Variants in TENM2 observed in about 807,000 individuals in gnomAD.
TENM2 encodes teneurin-2.
TENM2 carries 52 observed loss-of-function variants against 245.2 expected under a neutral mutation model. The ratio of observed to expected loss-of-function variants is 0.21; its 90% CI spans 0.17 to 0.27. The LOEUF is 0.27. Among genes scored for constraint, TENM2 ranks in the 10% least tolerant of loss-of-function variants. The pLI is 1.00. For synonymous variants in TENM2, 1,363 were observed against 1,438.9 expected (o/e 0.95, Z 1.19); for missense variants, 3,046 against 3,666.8 (o/e 0.83, Z 4.37).
intron 2 of TENM2, among the ~76,000 whole-genome samples, chr5:167,455,659 T>C (rs529655983): frequency 6.6e-6 from 1 of 152,326 alleles, no homozygotes; most frequent in Non-Finnish European, 1.5e-5. Flanking sequence ...TCTTTGATCA[T>C]TCAAGTTCAT....
chr5:167,321,782 C>CTTTTTTTTTTTTTTTTTTTTTTT lies in TENM2; in HGVS notation c.226+36721_226+36722insTTTTTTTTTTTTTTTTTTTTTTT, dbSNP rs1191717159. Among the ~76,000 whole-genome samples the CTTTTTTTTTTTTTTTTTTTTTTT allele has an allele frequency of 6.7e-5, 4 of 59,738 alleles. 2 individuals are homozygous for CTTTTTTTTTTTTTTTTTTTTTTT. Among genetic ancestry groups the CTTTTTTTTTTTTTTTTTTTTTTT allele is most frequent in the Non-Finnish European group, 6.2e-5 (2 of 32,430 alleles). The allele number at this position is 59,738 out of a possible 152,430, so 39.2% of individuals were successfully genotyped here. On this transcript the variant is annotated intron_variant, in intron 1 of 28. Coordinates refer to ENST00000518659, the Ensembl canonical transcript of TENM2. The stretch of plus-strand genomic sequence containing the variant: ...TGAATCTGTTGTCTTGCTGCCTTGG[C>CTTTTTTTTTTTTTTTTTTTTTTT]TTATTTTTTTTTTTTTTTTGGGGGG...
intron 25 of TENM2, among the ~76,000 whole-genome samples, chr5:168,228,516 A>T (rs989194027): frequency 6.6e-6 from 1 of 152,236 alleles, no homozygotes; most frequent in Non-Finnish European, 1.5e-5. Context: ...GGCCAGTTCA[A>T]CCAATGAATT....
chr5:167,160,055 G>A, the TENM2 span, among the ~76,000 whole-genome samples: 1 of 152,222 alleles, frequency 6.6e-6, no homozygotes, highest in Non-Finnish European at 1.5e-5. Flanking sequence ...AATGGGAGCA[G>A]GGAGTTCTAT....
intron 13 of TENM2, chr5:168,165,054 T>C (rs1758094878): frequency 6.6e-6 from 1 of 152,220 alleles, no homozygotes; most frequent in African/African-American, 2.4e-5. Flanking sequence ...TAATTTATGA[T>C]TGCCATTGTG....
intron 2 of TENM2, among the ~76,000 whole-genome samples, chr5:167,394,041 A>G (rs1242074283): frequency 2.0e-5 from 3 of 152,180 alleles, no homozygotes; most frequent in African/African-American, 7.2e-5. Flanking sequence ...CTTAACTCAT[A>G]TATGGTATGC....
chr5:167,502,563 CTTATTT>C (rs1769279177), intron 2 of TENM2, among the ~76,000 whole-genome samples: 1 of 152,142 alleles, frequency 6.6e-6, no homozygotes, highest in Non-Finnish European at 1.5e-5. Flanking sequence ...CTCCTTCTAA[CTTATTT>C]TTATATTTCA....
chr5:167,028,781 C>G, the TENM2 span, among the ~76,000 whole-genome samples: 1 of 151,942 alleles, frequency 6.6e-6, no homozygotes, highest in East Asian at 1.9e-4. Flanking sequence ...ACTAAAGACA[C>G]TAAATTGGTT....
chr5:168,098,309 G>T (rs1274964093), intron 9 of TENM2, among the ~76,000 whole-genome samples, 182 bp downstream of exon 11: 1 of 152,062 alleles, frequency 6.6e-6, no homozygotes, highest in Non-Finnish European at 1.5e-5. Context: ...ATGACCATTG[G>T]CCAACGTACC....
At chr5:167,708,298 C>G (rs868065095) in intron 2 of TENM2, among the ~76,000 whole-genome samples, 14 of 151,914 alleles carry the variant, frequency 9.2e-5, no homozygotes, top group South Asian at 2.1e-4. Context: ...CTTTTAGATA[C>G]AAATATACTG....
intron 1 of TENM2, among the ~76,000 whole-genome samples, chr5:167,348,422 C>T (rs980035628): frequency 6.6e-6 from 1 of 152,098 alleles, no homozygotes; most frequent in African/African-American, 2.4e-5. Flanking sequence ...GGGCCATTGA[C>T]GAGCCGGCAA....
intron 2 of TENM2, among the ~76,000 whole-genome samples, chr5:167,418,825 A>T (rs1368474115): frequency 1.3e-5 from 2 of 152,136 alleles, no homozygotes; most frequent in Admixed American, 1.3e-4. Context: ...GGTAAAAGCA[A>T]TTAGTGATGT....
intron 21 of TENM2, 52 bp downstream of exon 23, chr5:168,215,324 G>A: frequency 3.3e-6 from 5 of 1,507,582 alleles, no homozygotes; most frequent in Non-Finnish European, 4.6e-6. Context: ...TTTGCCACCA[G>A]CTTGGCTTTC....
the TENM2 span, among the ~76,000 whole-genome samples, chr5:166,987,085 A>G: frequency 6.6e-6 from 1 of 152,144 alleles, no homozygotes; most frequent in Non-Finnish European, 1.5e-5. Context: ...GCTATTCCCT[A>G]AGGCCACTCT....
chr5:168,091,079 G>A (rs1469951720), intron 8 of TENM2, among the ~76,000 whole-genome samples: 1 of 152,118 alleles, frequency 6.6e-6, no homozygotes, highest in Non-Finnish European at 1.5e-5. Flanking sequence ...TTTCCTCATA[G>A]TAAAATAGGA....
At chr5:167,270,256 T>A in the TENM2 span, among the ~76,000 whole-genome samples, 1 of 152,192 alleles carries the variant, frequency 6.6e-6, no homozygotes, top group East Asian at 1.9e-4. Context: ...TCATTTAGAA[T>A]ACTGGTACTT....
At chr5:168,027,416 C>T (rs980958463) in intron 5 of TENM2, among the ~76,000 whole-genome samples, 1 of 152,160 alleles carries the variant, frequency 6.6e-6, no homozygotes, top group Admixed American at 6.5e-5. Flanking sequence ...ATTTTTCAGG[C>T]ATCATAGCTT....
intron 1 of TENM2, among the ~76,000 whole-genome samples, chr5:167,345,876 C>A (rs1409788690): frequency 1.0e-4 from 13 of 126,922 alleles, no homozygotes; most frequent in Non-Finnish European, 1.8e-4. Context: ...TTTAATTCAA[C>A]AGAGTAACAT....
chr5:167,165,936 A>T, the TENM2 span, among the ~76,000 whole-genome samples: 12 of 152,320 alleles, frequency 7.9e-5, no homozygotes, highest in East Asian at 1.7e-3. Context: ...CAACAACCAG[A>T]ATTCTAGATT....
intron 25 of TENM2, among the ~76,000 whole-genome samples, chr5:168,236,637 G>T (rs1017759534): frequency 6.6e-6 from 1 of 151,980 alleles, no homozygotes; most frequent in African/African-American, 2.4e-5. Flanking sequence ...ACTAAAAATG[G>T]TTTTTGTTGT....
Sources: allele counts gnomAD v4.1 joint callset (sites outside exome capture counted in the v4.1 genomes callset), GRCh38; gene constraint gnomAD v4.1.1; transcripts MANE v1.5; gene names NCBI Gene and HGNC (gene_info 2026-07-23, HGNC 2026-07-21).